The following SUGCT variants were observed in gnomAD, a reference collection of about 807,000 sequenced individuals.
SUGCT encodes succinyl-CoA:glutarate CoA-transferase.
Under a neutral mutation model 55.0 loss-of-function variants are expected in SUGCT, and 41 were observed. That is an observed-to-expected ratio of 0.74 (90% confidence interval 0.58 to 0.97). The LOEUF (loss-of-function observed/expected upper bound fraction) is 0.97, where lower values mean the gene tolerates loss of function less well. Among genes scored for constraint, SUGCT ranks in the 50% least tolerant of loss-of-function variants. The pLI is 0.00. For synonymous variants in SUGCT, 187 were observed against 200.4 expected (o/e 0.93, Z 0.56); for missense variants, 568 against 547.8 (o/e 1.04, Z -0.37).
chr7:40,920,778 A>G, the SUGCT span, among the ~76,000 whole-genome samples: 5 of 152,226 alleles, frequency 3.3e-5, no homozygotes, highest in African/African-American at 1.2e-4. Flanking sequence ...AGCAAAGGAG[A>G]CACAGCATGA....
At chr7:40,209,800 CAAAA>C (rs763212135) in intron 6 of SUGCT, among the ~76,000 whole-genome samples, 3 of 151,572 alleles carry the variant, frequency 2.0e-5, no homozygotes, top group Non-Finnish European at 4.4e-5. Context: ...TATCTCAAAA[CAAAA>C]CAAACAAACA....
chr7:40,140,493 C>T (rs1353451913), intron 1 of SUGCT, among the ~76,000 whole-genome samples: 7 of 152,064 alleles, frequency 4.6e-5, no homozygotes, highest in East Asian at 1.9e-4. Flanking sequence ...CTCCGCCCCC[C>T]GGGTTCAAGC....
intron 9 of SUGCT, among the ~76,000 whole-genome samples, chr7:40,378,712 A>G (rs1784724222): frequency 6.6e-6 from 1 of 152,206 alleles, no homozygotes; most frequent in South Asian, 2.1e-4. Flanking sequence ...ACCTCAGGTG[A>G]TCTGCCTGCC....
chr7:40,679,963 A>G (rs1784165906), intron 12 of SUGCT, among the ~76,000 whole-genome samples: 1 of 152,180 alleles, frequency 6.6e-6, no homozygotes. Context: ...TGATTTTTTT[A>G]AGGCATTGTT....
chr7:40,369,587 T>C (rs960018412), intron 9 of SUGCT, among the ~76,000 whole-genome samples: 2 of 152,150 alleles, frequency 1.3e-5, no homozygotes, highest in Non-Finnish European at 2.9e-5. Context: ...ATGATTCTGC[T>C]CCAGCTCTGG....
chr7:40,455,237 A>G (rs891556279), intron 10 of SUGCT, among the ~76,000 whole-genome samples: 1 of 152,230 alleles, frequency 6.6e-6, no homozygotes, highest in African/African-American at 2.4e-5. Context: ...ATGCAAAAAT[A>G]TAGCCAAAAT....
chr7:40,556,197 T>A (rs1007528560), intron 12 of SUGCT, among the ~76,000 whole-genome samples: 1 of 152,220 alleles, frequency 6.6e-6, no homozygotes, highest in Admixed American at 6.5e-5. Context: ...TCCTAACAAC[T>A]TGAACTTGTA....
intron 8 of SUGCT, among the ~76,000 whole-genome samples, chr7:40,289,908 G>C (rs1793625369): frequency 6.6e-6 from 1 of 152,138 alleles, no homozygotes; most frequent in Non-Finnish European, 1.5e-5. Context: ...ATTCACAATT[G>C]CTTCGAAGAG....
At chr7:40,567,428 T>G (rs1389713108) in intron 12 of SUGCT, among the ~76,000 whole-genome samples, 1 of 152,246 alleles carries the variant, frequency 6.6e-6, no homozygotes, top group Non-Finnish European at 1.5e-5. Flanking sequence ...ATTTTTTTCT[T>G]AGGAGTTTAA....
intron 12 of SUGCT, among the ~76,000 whole-genome samples, chr7:40,741,146 C>A (rs1346023303): frequency 6.6e-6 from 1 of 151,714 alleles, no homozygotes; most frequent in Non-Finnish European, 1.5e-5. Context: ...AGTGTGGTGG[C>A]ACAGGCCTGT....
At chr7:40,921,153 A>G in the SUGCT span, among the ~76,000 whole-genome samples, 2 of 152,204 alleles carry the variant, frequency 1.3e-5, no homozygotes, top group African/African-American at 4.8e-5. Context: ...ATAAATCAAA[A>G]ATATTCATAT....
the SUGCT span, among the ~76,000 whole-genome samples, chr7:41,009,208 TA>T: frequency 1.6e-3 from 166 of 103,304 alleles, no homozygotes; most frequent in Middle Eastern, 5.2e-3. Context: ...TGTCTCTCTC[TA>T]AAAAAAAAAA....
chr7:40,931,365 A>G, the SUGCT span, among the ~76,000 whole-genome samples: 1 of 152,084 alleles, frequency 6.6e-6, no homozygotes, highest in Non-Finnish European at 1.5e-5. Flanking sequence ...TTCATCAGAG[A>G]TATTGGTCTA....
intron 11 of SUGCT, among the ~76,000 whole-genome samples, chr7:40,475,283 A>G (rs912233555): frequency 6.6e-6 from 1 of 152,194 alleles, no homozygotes; most frequent in African/African-American, 2.4e-5. Flanking sequence ...TGGGTTCAGC[A>G]ATAGACACCA....
the SUGCT span, among the ~76,000 whole-genome samples, chr7:40,997,795 A>G: frequency 6.6e-6 from 1 of 152,182 alleles, no homozygotes; most frequent in Admixed American, 6.5e-5. Context: ...ATAGGTATTC[A>G]AGAAATCTGT....
intron 9 of SUGCT, among the ~76,000 whole-genome samples, chr7:40,339,237 A>G (rs975764866): frequency 2.6e-5 from 4 of 152,040 alleles, no homozygotes; most frequent in African/African-American, 9.7e-5. Flanking sequence ...TCAGTTCTCA[A>G]ACTCTGTGTT....
At chr7:40,151,172 G>A (rs1373846659) in intron 1 of SUGCT, among the ~76,000 whole-genome samples, 1 of 152,156 alleles carries the variant, frequency 6.6e-6, no homozygotes, top group Non-Finnish European at 1.5e-5. Flanking sequence ...CCCGGGAGGC[G>A]GAGGTTGTAG....
At chr7:40,685,961 G>C (rs571107248) in intron 12 of SUGCT, among the ~76,000 whole-genome samples, 1 of 152,268 alleles carries the variant, frequency 6.6e-6, no homozygotes, top group East Asian at 1.9e-4. Flanking sequence ...TTACTTTCTA[G>C]ATAGATCATC....
rs571559559 is a variant in SUGCT at position 40,333,500 on chromosome 7, G to C, written c.816+16645G>C. Among the ~76,000 whole-genome samples, 158 of 150,614 alleles carry C rather than the reference G, an allele frequency of 1.0e-3. 1 individual carries two copies. The highest frequency in any genetic ancestry group is 3.2e-3 in the Admixed American group (49 of 15,134). On this transcript the variant is annotated intron_variant, in intron 9 of 13. Transcript: ENST00000335693. ...AAAAATATGAAAATTAGCCCAGTGTGGGGGCATGGACCTGTAACCCCAGTT... is the reference window on the plus strand; with the variant it reads ...AAAAATATGAAAATTAGCCCAGTGTCGGGGCATGGACCTGTAACCCCAGTT...
Sources: allele counts gnomAD v4.1 joint callset (sites outside exome capture counted in the v4.1 genomes callset), GRCh38; gene constraint gnomAD v4.1.1; transcripts MANE v1.5; gene names NCBI Gene and HGNC (gene_info 2026-07-23, HGNC 2026-07-21).